Variants in ADAMTSL1 observed in about 807,000 individuals in gnomAD.
The protein encoded by ADAMTSL1 is ADAMTS like 1.
ADAMTSL1 carries 126 observed loss-of-function variants against 201.8 expected under a neutral mutation model. The ratio of observed to expected loss-of-function variants is 0.62; its 90% CI spans 0.54 to 0.72. The LOEUF (loss-of-function observed/expected upper bound fraction) is 0.72, where lower values mean the gene tolerates loss of function less well. Among genes scored for constraint, ADAMTSL1 ranks in the 30% least tolerant of loss-of-function variants. The pLI, the probability that ADAMTSL1 is intolerant of heterozygous loss-of-function variation, is 0.00. For synonymous variants in ADAMTSL1, 1,121 were observed against 903.4 expected (o/e 1.24, Z -4.32); for missense variants, 2,679 against 2,277.8 (o/e 1.18, Z -3.59).
At chr9:18,691,863 G>A (rs745395892) in intron 13 of ADAMTSL1, among the ~76,000 whole-genome samples, 4 of 152,150 alleles carry the variant, frequency 2.6e-5, no homozygotes, top group Non-Finnish European at 5.9e-5. Context: ...TATGCAGGAA[G>A]TGCTATGTAT....
At chr9:18,844,887 C>T (rs142614007) in intron 23 of ADAMTSL1, among the ~76,000 whole-genome samples, 3,173 of 152,264 alleles carry the variant, frequency 0.021, 64 homozygotes, top group Non-Finnish European at 0.033. Flanking sequence ...TTAAGCCTGT[C>T]GGAAAAGCGC....
At chr9:18,088,863 A>T (rs1823881530) in intron 1 of ADAMTSL1, among the ~76,000 whole-genome samples, 1 of 152,184 alleles carries the variant, frequency 6.6e-6, no homozygotes. Context: ...CTCCCATATG[A>T]TCTAACAATC....
At chr9:18,624,824 A>G (rs1008083005) in intron 5 of ADAMTSL1, among the ~76,000 whole-genome samples, 1 of 152,210 alleles carries the variant, frequency 6.6e-6, no homozygotes, top group Admixed American at 6.5e-5. Flanking sequence ...AAAGTGCCCT[A>G]TTCAAGACCG....
intron 10 of ADAMTSL1, 141 bp from the exon 11 acceptor site, chr9:18,680,171 T>C (rs769738537): frequency 1.1e-4 from 85 of 766,788 alleles, no homozygotes; most frequent in Non-Finnish European, 1.7e-4. Context: ...TTTCAGGCAA[T>C]AGATGGCTTT....
chr9:18,714,257 A>T (rs1429769932), intron 14 of ADAMTSL1, among the ~76,000 whole-genome samples: 1 of 151,034 alleles, frequency 6.6e-6, no homozygotes, highest in African/African-American at 2.4e-5. Context: ...ATCAGAGCAG[A>T]ACTGAAGGAA....
chr9:18,446,718 C>G (rs903605217), intron 2 of ADAMTSL1, among the ~76,000 whole-genome samples: 2 of 152,194 alleles, frequency 1.3e-5, no homozygotes, highest in Non-Finnish European at 2.9e-5. Context: ...CATCTGGGTG[C>G]AAACACGTTT....
intron 25 of ADAMTSL1, 91 bp from the exon 26 acceptor site, chr9:18,892,298 T>C: frequency 1.5e-6 from 2 of 1,308,254 alleles, no homozygotes; most frequent in South Asian, 1.4e-5. Flanking sequence ...CCCAAATTAG[T>C]GGCAAGAGCA....
At chr9:18,281,411 A>G (rs1356705778) in intron 2 of ADAMTSL1, among the ~76,000 whole-genome samples, 1 of 151,948 alleles carries the variant, frequency 6.6e-6, no homozygotes, top group Non-Finnish European at 1.5e-5. Context: ...GGAAGCAACA[A>G]CCTGGGCTCC....
At chr9:18,842,031 A>G (rs1350654029) in intron 23 of ADAMTSL1, among the ~76,000 whole-genome samples, 9 of 149,980 alleles carry the variant, frequency 6.0e-5, no homozygotes, top group African/African-American at 7.3e-5. Flanking sequence ...TTGTGTCTCT[A>G]TTTCCTTCAG....
chr9:18,866,676 T>C (rs1473222858), intron 23 of ADAMTSL1, among the ~76,000 whole-genome samples: 3 of 152,230 alleles, frequency 2.0e-5, no homozygotes, highest in Non-Finnish European at 4.4e-5. Flanking sequence ...GCCTCAGGAA[T>C]GAGAGGCTAT....
chr9:18,099,985 C>T (rs4497065), intron 1 of ADAMTSL1, among the ~76,000 whole-genome samples: 1 of 151,888 alleles, frequency 6.6e-6, no homozygotes, highest in Non-Finnish European at 1.5e-5. Context: ...CTTTTAAATT[C>T]GTTTTATTTC....
At chr9:18,716,223 C>T (rs1172615011) in intron 14 of ADAMTSL1, among the ~76,000 whole-genome samples, 4 of 151,996 alleles carry the variant, frequency 2.6e-5, no homozygotes, top group Non-Finnish European at 5.9e-5. Flanking sequence ...CAACAAAAGC[C>T]AGAATTGACA....
chr9:18,025,563 G>GGTGT (rs1820658232), intron 1 of ADAMTSL1, among the ~76,000 whole-genome samples: 1 of 152,020 alleles, frequency 6.6e-6, no homozygotes. Context: ...GATGGTTGCA[G>GGTGT]GTGTGTGGCT....
At chr9:18,202,762 G>C (rs1829502184) in intron 2 of ADAMTSL1, among the ~76,000 whole-genome samples, 2 of 152,146 alleles carry the variant, frequency 1.3e-5, no homozygotes, top group South Asian at 4.1e-4. Context: ...GGCCAGGATA[G>C]TGTCTTCTTT....
intron 1 of ADAMTSL1, among the ~76,000 whole-genome samples, chr9:18,486,203 A>G (rs562504252): frequency 2.1e-4 from 32 of 152,306 alleles, no homozygotes; most frequent in Admixed American, 5.2e-4. Context: ...AAAATTTTTG[A>G]CCTACAGTTA....
At chr9:18,735,757 T>C (rs377057118) in intron 15 of ADAMTSL1, among the ~76,000 whole-genome samples, 1 of 147,634 alleles carries the variant, frequency 6.8e-6, no homozygotes, top group Non-Finnish European at 1.5e-5. Context: ...TCTTTTTTTT[T>C]TTTTTTTTTT....
chr9:18,876,348 T>A (rs1185931030), intron 23 of ADAMTSL1, among the ~76,000 whole-genome samples: 2 of 121,816 alleles, frequency 1.6e-5, no homozygotes, highest in African/African-American at 3.6e-5. Flanking sequence ...GTTTTATAGG[T>A]TCTGTGAGAT....
chr9:18,259,513 A>AG, intron 2 of ADAMTSL1, among the ~76,000 whole-genome samples: 1 of 151,776 alleles, frequency 6.6e-6, no homozygotes, highest in East Asian at 1.9e-4. Context: ...CTGTCTCAAA[A>AG]AAAAAAAAAA....
intron 2 of ADAMTSL1, among the ~76,000 whole-genome samples, chr9:18,442,858 G>A (rs1431014231): frequency 6.6e-6 from 1 of 152,212 alleles, no homozygotes; most frequent in Non-Finnish European, 1.5e-5. Flanking sequence ...CCAAGGGAGA[G>A]CAGGGCTAAG....
Sources: gnomAD v4.1 joint callset for allele counts (sites outside exome capture counted in the v4.1 genomes callset) on GRCh38, gnomAD v4.1.1 for gene constraint, MANE v1.5 for transcripts, NCBI Gene and HGNC (gene_info 2026-07-23, HGNC 2026-07-21) for gene names.